The following TMPRSS11F variants were observed in gnomAD, a reference collection of about 807,000 sequenced individuals.
TMPRSS11F encodes transmembrane serine protease 11F.
Under a neutral mutation model 60.2 loss-of-function variants are expected in TMPRSS11F, and 47 were observed. The observed-to-expected ratio is 0.78, with a 90% CI of 0.62 to 1.00. The LOEUF is 1.00. Ranked by LOEUF, TMPRSS11F falls within the 50% of genes least tolerant of loss-of-function variation. The pLI is 0.00. For missense variants in TMPRSS11F, 519 were observed against 522.9 expected, an observed-to-expected ratio of 0.99 and a Z score of 0.07; for synonymous variants, 166 against 167.3, an observed-to-expected ratio of 0.99 and a Z score of 0.06.
chr4:68,092,727 A>G (rs1723969695), intron 2 of TMPRSS11F, among the ~76,000 whole-genome samples: 1 of 102,968 alleles, frequency 9.7e-6, no homozygotes, highest in South Asian at 3.3e-4. Flanking sequence ...ATTACAAAAA[A>G]AAGATTAAAA....
chr4:68,062,484 C>T, intron 8 of TMPRSS11F: 3 of 683,924 alleles, frequency 4.4e-6, no homozygotes, highest in South Asian at 1.4e-5. Context: ...TTGGTAGAAA[C>T]AGTAATGTTG....
At chr4:68,082,066 C>T (rs1174498217) in intron 3 of TMPRSS11F, among the ~76,000 whole-genome samples, 2 of 152,022 alleles carry the variant, frequency 1.3e-5, no homozygotes, top group African/African-American at 2.4e-5. Flanking sequence ...GGAGAGAAAA[C>T]ACTCAGAGTT....
intron 9 of TMPRSS11F, among the ~76,000 whole-genome samples, chr4:68,058,026 A>G (rs1311522745): frequency 1.3e-5 from 2 of 152,316 alleles, no homozygotes; most frequent in Middle Eastern, 3.4e-3. Context: ...TTGGATTCAT[A>G]GAAGTAGAGA....
At chr4:68,109,965 T>A (rs1037237128) in intron 1 of TMPRSS11F, among the ~76,000 whole-genome samples, 4 of 152,228 alleles carry the variant, frequency 2.6e-5, no homozygotes, top group African/African-American at 9.6e-5. Flanking sequence ...CACTCTTCTA[T>A]GTGCAGCATA....
intron 3 of TMPRSS11F, 64 bp downstream of exon 3, chr4:68,090,459 C>A: frequency 1.3e-6 from 2 of 1,504,032 alleles, no homozygotes; most frequent in South Asian, 1.3e-5. Flanking sequence ...TCCTATATAA[C>A]ACCCACATTC....
At chr4:68,059,800 G>T (rs1723120811) in intron 8 of TMPRSS11F, among the ~76,000 whole-genome samples, 2 of 152,074 alleles carry the variant, frequency 1.3e-5, no homozygotes, top group Non-Finnish European at 2.9e-5. Flanking sequence ...TTGTCCAACT[G>T]CCACATTCTC....
intron 1 of TMPRSS11F, among the ~76,000 whole-genome samples, chr4:68,114,651 T>C (rs1320118884): frequency 6.6e-6 from 1 of 151,484 alleles, no homozygotes; most frequent in African/African-American, 2.4e-5. Flanking sequence ...GAATCCAGCA[T>C]ATTCTGATAA....
At chr4:68,123,791 T>C (rs1424674596) in intron 1 of TMPRSS11F, among the ~76,000 whole-genome samples, 1 of 152,190 alleles carries the variant, frequency 6.6e-6, no homozygotes, top group Non-Finnish European at 1.5e-5. Flanking sequence ...GTGGTGTCTA[T>C]GCTAATATGG....
intron 8 of TMPRSS11F, chr4:68,061,898 A>C (rs190028744): frequency 2.4e-6 from 1 of 412,318 alleles, no homozygotes; most frequent in Non-Finnish European, 4.7e-6. Context: ...ATGAACTTTT[A>C]AAAAAAAATT....
intron 1 of TMPRSS11F, among the ~76,000 whole-genome samples, chr4:68,105,451 C>G (rs1221484097): frequency 6.6e-6 from 1 of 152,108 alleles, no homozygotes; most frequent in Non-Finnish European, 1.5e-5. Flanking sequence ...TTAATTCTGG[C>G]TTTGCTACTA....
At chr4:68,100,269 C>A (rs2109872544) in intron 1 of TMPRSS11F, among the ~76,000 whole-genome samples, 1 of 152,082 alleles carries the variant, frequency 6.6e-6, no homozygotes, top group African/African-American at 2.4e-5. Context: ...GTCTCATAAC[C>A]CAAAGTAAGC....
intron 1 of TMPRSS11F, among the ~76,000 whole-genome samples, chr4:68,117,003 A>C (rs1724535075): frequency 6.6e-6 from 1 of 152,224 alleles, no homozygotes; most frequent in Non-Finnish European, 1.5e-5. Flanking sequence ...AGGGGATTAC[A>C]TCAAACTAAA....
chr4:68,108,193 G>C (rs946420811), intron 1 of TMPRSS11F, among the ~76,000 whole-genome samples: 5 of 152,216 alleles, frequency 3.3e-5, no homozygotes, highest in African/African-American at 1.2e-4. Context: ...ATAGCTGACA[G>C]AATTTGCTGA....
chr4:68,129,685 T>G, intron 1 of TMPRSS11F, 125 bp downstream of exon 1: 1 of 822,846 alleles, frequency 1.2e-6, no homozygotes, highest in South Asian at 2.3e-5. Flanking sequence ...TAAAATACAA[T>G]AACACACATT....
At chr4:68,067,957 G>A (rs1315992609) in intron 7 of TMPRSS11F, among the ~76,000 whole-genome samples, 1 of 152,170 alleles carries the variant, frequency 6.6e-6, no homozygotes, top group Non-Finnish European at 1.5e-5. Context: ...GACCTCTTGG[G>A]GCAGTAGGGT....
intron 1 of TMPRSS11F, among the ~76,000 whole-genome samples, chr4:68,127,491 A>C (rs1316116027): frequency 6.6e-6 from 1 of 151,236 alleles, no homozygotes; most frequent in Non-Finnish European, 1.5e-5. Flanking sequence ...ACCCATGAAA[A>C]AAACTTGAAT....
Position 68,072,400 on chromosome 4 carries a change from A to G in TMPRSS11F, c.437T>C (p.Ile146Thr), listed in dbSNP as rs1723498877. The G allele has an allele frequency of 6.2e-7, 1 of 1,600,730 alleles. No homozygotes were observed. The highest frequency in any genetic ancestry group is 1.1e-5 in the South Asian group (1 of 89,150). The part of the protein sequence containing the change: ...TDSAEQIKKK[I>T]EKALYQSLKT... ...CAAACTTTGATATAAAGCCTTTTCA[A>G]TTTTTTTCTTGATTTGTTCAGCACT... The change falls in exon 5 of 10, where the codon ATT becomes ACT. Residue 146 changes from isoleucine (I) to threonine (T), a missense_variant. Physicochemically the swap from Ile to Thr is moderately conservative, Grantham distance 89. Coordinates refer to ENST00000356291, the MANE Select transcript of TMPRSS11F (RefSeq NM_207407.2).
intron 7 of TMPRSS11F, 79 bp from the exon 8 acceptor site, chr4:68,065,023 C>T: frequency 2.9e-6 from 4 of 1,393,350 alleles, no homozygotes; most frequent in Non-Finnish European, 2.9e-6. Context: ...TTCTTCCCAA[C>T]TGTCAGTATT....
intron 1 of TMPRSS11F, among the ~76,000 whole-genome samples, chr4:68,109,149 A>T (rs906845344): frequency 1.3e-5 from 2 of 152,184 alleles, no homozygotes; most frequent in African/African-American, 4.8e-5. Flanking sequence ...TAAAATCCAT[A>T]TGTCACATCT....
Sources: gnomAD v4.1 joint callset for allele counts (sites outside exome capture counted in the v4.1 genomes callset) on GRCh38, gnomAD v4.1.1 for gene constraint, MANE v1.5 for transcripts, NCBI Gene and HGNC (gene_info 2026-07-23, HGNC 2026-07-21) for gene names.